STPG2: variants seen among roughly 807,000 people sequenced by gnomAD.
STPG2 encodes the protein sperm tail PG-rich repeat containing 2.
In STPG2, 56 loss-of-function variants were observed where a neutral mutation model predicts 54.2. That is an observed-to-expected ratio of 1.03 (90% CI 0.83 to 1.29). The LOEUF is 1.29. STPG2 is among the 50% of genes most tolerant of loss of function. The pLI is 0.00. For synonymous variants in STPG2, 200 were observed against 181.8 expected, an observed-to-expected ratio of 1.10 and a Z score of -0.81; for missense variants, 596 against 544.9, an observed-to-expected ratio of 1.09 and a Z score of -0.93.
At chr4:97,485,291 T>C (rs564205537) in intron 4 of STPG2, among the ~76,000 whole-genome samples, 2 of 151,940 alleles carry the variant, frequency 1.3e-5, no homozygotes, top group African/African-American at 2.4e-5. Context: ...GACGATATGA[T>C]TGTTTACCTC....
intron 4 of STPG2, among the ~76,000 whole-genome samples, chr4:98,108,258 C>T (rs957742): frequency 0.4 from 60,042 of 151,790 alleles, 12,114 homozygotes; most frequent in Middle Eastern, 0.46. Context: ...TAATTGAGTA[C>T]GTAATCACTC....
At chr4:97,694,149 C>T (rs573010583) in intron 10 of STPG2, among the ~76,000 whole-genome samples, 8 of 151,652 alleles carry the variant, frequency 5.3e-5, no homozygotes, top group South Asian at 2.1e-4. Flanking sequence ...GCAGAAGAAA[C>T]GAAAAAACAA....
chr4:97,840,859 G>A lies in STPG2; in HGVS notation c.1118C>T (p.Pro373Leu). 6.2e-7 allele frequency: 1 copy of A among 1,611,924 alleles called. No individual in the cohort carries two copies. The highest frequency in any genetic ancestry group is 8.5e-7 in the Non-Finnish European group (1 of 1,178,600). ...TCTTTTAGCCACTAAACTACGAGGT[G>A]GCATATATTTATGCTTAACTTGGGA... Reference protein sequence around the residue: ...EMSQVKHKYMPPRSLVAKRKH... With the variant: ...EMSQVKHKYMLPRSLVAKRKH... The change falls in exon 9 of 11, where the codon CCA becomes CTA. Residue 373 changes from proline to leucine, a missense_variant. By Grantham distance (98) the Pro-to-Leu change is moderately conservative. Transcript: ENST00000295268.
chr4:97,745,985 T>C (rs1262179807), intron 9 of STPG2, among the ~76,000 whole-genome samples: 1 of 151,308 alleles, frequency 6.6e-6, no homozygotes. Context: ...TCTTTCAGGC[T>C]TAAGTATCTC....
At chr4:97,889,631 A>T (rs1011725155) in intron 8 of STPG2, among the ~76,000 whole-genome samples, 1 of 152,214 alleles carries the variant, frequency 6.6e-6, no homozygotes, top group African/African-American at 2.4e-5. Flanking sequence ...ATAGAAATAG[A>T]GAGTAGAACT....
At chr4:97,696,394 A>G (rs532498961) in intron 10 of STPG2, among the ~76,000 whole-genome samples, 2 of 152,360 alleles carry the variant, frequency 1.3e-5, no homozygotes, top group South Asian at 2.1e-4. Context: ...CAAAGTCTTG[A>G]ATCTGAGACC....
At chr4:97,478,794 A>T (rs1460707419) in intron 4 of STPG2, among the ~76,000 whole-genome samples, 2 of 151,940 alleles carry the variant, frequency 1.3e-5, no homozygotes, top group African/African-American at 4.8e-5. Context: ...TAGACTTACC[A>T]TACATTACTA....
At chr4:97,594,065 C>T (rs1578411734) in intron 10 of STPG2, among the ~76,000 whole-genome samples, 1 of 152,204 alleles carries the variant, frequency 6.6e-6, no homozygotes, top group Non-Finnish European at 1.5e-5. Context: ...AGAAGCAGCA[C>T]AATAACTCTG....
intron 9 of STPG2, among the ~76,000 whole-genome samples, chr4:97,736,363 C>G (rs1724992298): frequency 6.6e-6 from 1 of 152,144 alleles, no homozygotes; most frequent in African/African-American, 2.4e-5. Context: ...GGGCGCAGGA[C>G]AGTGGGTGCA....
At chr4:97,751,895 C>T (rs2149045924) in intron 9 of STPG2, among the ~76,000 whole-genome samples, 1 of 151,754 alleles carries the variant, frequency 6.6e-6, no homozygotes, top group East Asian at 1.9e-4. Context: ...CTTAGGGTCT[C>T]TTTCTAGGCA....
intron 4 of STPG2, among the ~76,000 whole-genome samples, chr4:97,459,000 A>G (rs1483320360): frequency 6.6e-6 from 1 of 152,160 alleles, no homozygotes; most frequent in Non-Finnish European, 1.5e-5. Flanking sequence ...CCTGAATTTG[A>G]TAATGTTTTA....
intron 4 of STPG2, among the ~76,000 whole-genome samples, chr4:97,532,323 A>G (rs950200252): frequency 2.0e-5 from 3 of 152,130 alleles, no homozygotes; most frequent in Non-Finnish European, 4.4e-5. Context: ...CAACCTATAA[A>G]AGAATTTGAA....
chr4:97,730,233 A>C (rs1578513594), intron 9 of STPG2, among the ~76,000 whole-genome samples: 1 of 152,164 alleles, frequency 6.6e-6, no homozygotes, highest in African/African-American at 2.4e-5. Context: ...TAAATCCCAC[A>C]TACAAGTGAG....
intron 9 of STPG2, among the ~76,000 whole-genome samples, chr4:97,815,944 A>G (rs982800666): frequency 6.6e-6 from 1 of 152,074 alleles, no homozygotes; most frequent in East Asian, 1.9e-4. Flanking sequence ...GGTTTGTTAC[A>G]TAAGTATACA....
chr4:98,005,247 GGGGT>G (rs1461940952), intron 5 of STPG2, among the ~76,000 whole-genome samples: 11 of 152,108 alleles, frequency 7.2e-5, no homozygotes, highest in African/African-American at 2.4e-4. Context: ...ACCCAGATTA[GGGGT>G]GGGTCTGCCT....
At chr4:97,847,773 G>A (rs934704924) in intron 8 of STPG2, among the ~76,000 whole-genome samples, 1 of 151,934 alleles carries the variant, frequency 6.6e-6, no homozygotes, top group Non-Finnish European at 1.5e-5. Flanking sequence ...TTTCCTCATT[G>A]ACTTACAAAA....
chr4:97,788,679 T>C (rs1318989328), intron 9 of STPG2, among the ~76,000 whole-genome samples: 1 of 152,178 alleles, frequency 6.6e-6, no homozygotes, highest in Non-Finnish European at 1.5e-5. Flanking sequence ...TATACTAATT[T>C]ATATTCCCAC....
Position 97,871,027 on chromosome 4 carries a change from C to G in STPG2, c.1045-30095G>C, listed in dbSNP as rs1180020176. Among the ~76,000 whole-genome samples, 3 of 150,746 alleles carry G rather than the reference C, an allele frequency of 2.0e-5. No homozygotes were observed. The East Asian group carries it at 5.8e-4, about 29-fold the overall frequency. ...AATAGAAAAAAATAGCCATAAAGAC[C>G]TTTCCATCCAAAATTTAAAGAACGT... On this transcript the variant is annotated intron_variant, in intron 8 of 10. Coordinates refer to ENST00000295268, the MANE Select transcript of STPG2 (RefSeq NM_174952.3).
At chr4:98,076,898 T>C (rs2110112391) in intron 5 of STPG2, among the ~76,000 whole-genome samples, 1 of 152,300 alleles carries the variant, frequency 6.6e-6, no homozygotes, top group South Asian at 2.1e-4. Flanking sequence ...GAATTGTTGC[T>C]ACTATTACTA....
Sources: allele counts gnomAD v4.1 joint callset (sites outside exome capture counted in the v4.1 genomes callset), GRCh38; gene constraint gnomAD v4.1.1; transcripts MANE v1.5; gene names NCBI Gene and HGNC (gene_info 2026-07-23, HGNC 2026-07-21).